MACC1: variants seen among roughly 807,000 people sequenced by gnomAD.
MACC1 encodes MET transcriptional regulator MACC1, also known as metastasis-associated in colon cancer protein 1.
In MACC1, 79 loss-of-function variants were observed where a neutral mutation model predicts 70.7. That is an observed-to-expected ratio of 1.12 (90% CI 0.93 to 1.35). MACC1 has a LOEUF of 1.35. MACC1 is among the 40% of genes most tolerant of loss of function. The pLI is 0.00. For synonymous variants in MACC1, 361 were observed against 347.2 expected, an observed-to-expected ratio of 1.04 and a Z score of -0.44; for missense variants, 1,106 against 978.1, an observed-to-expected ratio of 1.13 and a Z score of -1.74.
intron 6 of MACC1, among the ~76,000 whole-genome samples, chr7:20,142,937 T>C (rs1156382242): frequency 6.6e-6 from 1 of 152,232 alleles, no homozygotes; most frequent in Non-Finnish European, 1.5e-5. Flanking sequence ...TGATAAATGA[T>C]GTATTTGAAG....
intron 1 of MACC1, among the ~76,000 whole-genome samples, chr7:20,185,999 G>A (rs1191980770): frequency 1.3e-5 from 2 of 152,060 alleles, no homozygotes; most frequent in Non-Finnish European, 2.9e-5. Context: ...TACACACAAA[G>A]TCGCATATGG....
chr7:20,180,967 A>AATATAACT (rs1782495095), intron 1 of MACC1, among the ~76,000 whole-genome samples: 1 of 152,182 alleles, frequency 6.6e-6, no homozygotes, highest in African/African-American at 2.4e-5. Flanking sequence ...ATCACAGAAG[A>AATATAACT]ATATAACTAC....
rs1781734936 is a variant in MACC1, at chr7:20,137,585, A to G, written c.*3361T>C. The G allele has an allele frequency of 1.3e-5, 2 of 152,242 alleles. No homozygotes were observed. The highest frequency in any genetic ancestry group is 2.9e-5 in the Non-Finnish European group (2 of 68,036). 9.4% of individuals were successfully genotyped at this position (152,242 alleles called of 1,614,324 possible). A position where few individuals can be genotyped will look rare whatever the true frequency, so the allele number is the denominator to read the frequency against. Reference sequence around the variant, plus strand: ...AAAAGCCTGAGGAACTGAAAGAACCATGTAAACATTTTCTGCTTTCAAAAT... The same window carrying G: ...AAAAGCCTGAGGAACTGAAAGAACCGTGTAAACATTTTCTGCTTTCAAAAT... On this transcript the variant is annotated 3_prime_UTR_variant, in exon 7 of 7. Transcript: ENST00000400331.
chr7:20,185,295 T>A (rs1217693622), intron 1 of MACC1, among the ~76,000 whole-genome samples: 2 of 152,174 alleles, frequency 1.3e-5, no homozygotes, highest in East Asian at 3.8e-4. Flanking sequence ...ATATTTATTC[T>A]TGCAAAATCT....
intron 1 of MACC1, among the ~76,000 whole-genome samples, chr7:20,189,004 C>T (rs1464041234): frequency 1.3e-5 from 2 of 152,136 alleles, no homozygotes; most frequent in South Asian, 2.1e-4. Context: ...GCTGCACTGG[C>T]CTTACCTTTC....
chr7:20,207,308 AATTTTTGT>A (rs1782927226), intron 1 of MACC1, among the ~76,000 whole-genome samples: 1 of 150,024 alleles, frequency 6.7e-6, no homozygotes, highest in Non-Finnish European at 1.5e-5. Flanking sequence ...ATGTCTGGTT[AATTTTTGT>A]ATTTTTTTTT....
chr7:20,135,770 T>G lies in MACC1; in HGVS notation c.*5176A>C, dbSNP rs535535299. On this transcript the variant is annotated 3_prime_UTR_variant, in exon 7 of 7. Coordinates refer to ENST00000400331, the MANE Select transcript of MACC1 (RefSeq NM_182762.4). ...TTTGAGAAGCTCCTAGTGAAACCAA[T>G]GCTGACCTCCTAAGTCAGTACTCAA... 1 of 152,242 alleles carries G rather than the reference T, an allele frequency of 6.6e-6. No individual in the cohort carries two copies. The highest frequency in any genetic ancestry group is 1.5e-5 in the Non-Finnish European group (1 of 68,046). The allele number at this position is 152,242 out of a possible 1,614,324, so 9.4% of individuals were successfully genotyped here. A position where few individuals can be genotyped will look rare whatever the true frequency, so the allele number is the denominator to read the frequency against.
rs761235501 is a variant in MACC1 at position 20,154,335 on chromosome 7, T to C, written c.2204A>G (p.Gln735Arg). Residue 735 changes from glutamine to arginine, a missense_variant, in exon 6 of 7, where the codon CAA (glutamine) becomes CGA (arginine). Coordinates refer to ENST00000400331, the MANE Select transcript of MACC1 (RefSeq NM_182762.4). ...DCQELVARLIQEAAVLTSAVK... is the reference protein window; with the variant it reads ...DCQELVARLIREAAVLTSAVK... ...AGCTGAAGTCAGAACAGCAGCTTCT[T>C]GGATGAGACGTGCGACTAACTCTTG... The C allele has an allele frequency of 6.2e-7, 1 of 1,613,958 alleles. No individual in the cohort carries two copies. Among genetic ancestry groups the C allele is most frequent in the Non-Finnish European group, 8.5e-7 (1 of 1,179,914 alleles).
rs1032325753 is a variant in MACC1 at position 20,195,656 on chromosome 7, G to T, written c.-218+21643C>A. On this transcript the variant is annotated intron_variant, in intron 1 of 6. Coordinates refer to ENST00000400331, the MANE Select transcript of MACC1 (RefSeq NM_182762.4). ...CACACAAGTGTGCAATCTATGGTTGGTTTTTTCATCAGGAGAATGTTATTG... is the reference window on the plus strand; with the variant it reads ...CACACAAGTGTGCAATCTATGGTTGTTTTTTTCATCAGGAGAATGTTATTG... 5.9e-5 allele frequency among the ~76,000 whole-genome samples: 9 copies of T among 152,188 alleles called. No individual in the cohort carries two copies. In the South Asian group the frequency reaches 1.7e-3, roughly 28 times the overall value.
At chr7:20,143,262 C>A (rs1339744601) in intron 6 of MACC1, among the ~76,000 whole-genome samples, 1 of 152,184 alleles carries the variant, frequency 6.6e-6, no homozygotes, top group Admixed American at 6.5e-5. Flanking sequence ...GCAGGAAATA[C>A]CACAGGTGAT....
At chr7:20,210,608 C>A (rs540356811) in intron 1 of MACC1, among the ~76,000 whole-genome samples, 4 of 152,218 alleles carry the variant, frequency 2.6e-5, no homozygotes, top group Admixed American at 2.6e-4. Flanking sequence ...TTTGAAAATC[C>A]TTCAAAATTA....
chr7:20,163,769 T>C (rs1782171516), intron 3 of MACC1, among the ~76,000 whole-genome samples: 1 of 152,152 alleles, frequency 6.6e-6, no homozygotes, highest in Non-Finnish European at 1.5e-5. Flanking sequence ...CAAGATTGAT[T>C]AGCAAGTGAG....
At chr7:20,142,431 G>A (rs10275320) in intron 6 of MACC1, among the ~76,000 whole-genome samples, 15,196 of 152,192 alleles carry the variant, frequency 0.1, 918 homozygotes, top group Middle Eastern at 0.17. Context: ...GCAAGGTAGA[G>A]AATAAAAGAC....
In MACC1 at chr7:20,141,115, G is replaced by C; in HGVS notation, c.2390C>G (p.Ala797Gly). The C allele has an allele frequency of 6.2e-7, 1 of 1,612,002 alleles. No homozygotes were observed. The highest frequency in any genetic ancestry group is 8.5e-7 in the Non-Finnish European group (1 of 1,179,346). The change falls in exon 7 of 7, where the codon GCT becomes GGT. Residue 797 changes from alanine (A) to glycine (G), a missense_variant. Physicochemically the swap from Ala to Gly is moderately conservative, Grantham distance 60. Coordinates refer to ENST00000400331, the MANE Select transcript of MACC1 (RefSeq NM_182762.4). ...PAYDFLYTWS[A>G]HYGNNYRDVL... is the part of the protein sequence containing the mutation. ...ATCTCTGTAGTTATTTCCATAGTGAGCACTCCAGGTATACAGAAAATCATA... is the reference window on the plus strand; with the variant it reads ...ATCTCTGTAGTTATTTCCATAGTGACCACTCCAGGTATACAGAAAATCATA...
At chr7:20,150,071 A>G (rs1322359778) in intron 6 of MACC1, among the ~76,000 whole-genome samples, 2 of 152,208 alleles carry the variant, frequency 1.3e-5, no homozygotes, top group African/African-American at 2.4e-5. Flanking sequence ...AATGCTCATA[A>G]TGACTAGCTG....
At chr7:20,214,847 C>T (rs747852534) in intron 1 of MACC1, among the ~76,000 whole-genome samples, 12 of 152,160 alleles carry the variant, frequency 7.9e-5, no homozygotes, top group South Asian at 4.1e-4. Flanking sequence ...ATTTAATGTG[C>T]GAAAGTTTGG....
chr7:20,143,555 AT>A (rs1470938585), intron 6 of MACC1, among the ~76,000 whole-genome samples: 1 of 151,012 alleles, frequency 6.6e-6, no homozygotes, highest in South Asian at 2.1e-4. Flanking sequence ...CGCCCAGCTA[AT>A]TTTTTTGTAT....
chr7:20,193,548 A>G (rs1318486748), intron 1 of MACC1, among the ~76,000 whole-genome samples: 1 of 152,182 alleles, frequency 6.6e-6, no homozygotes, highest in East Asian at 1.9e-4. Context: ...GCATCCTGTT[A>G]TAGACAATGG....
intron 6 of MACC1, among the ~76,000 whole-genome samples, chr7:20,150,103 A>G (rs1470664776): frequency 6.6e-6 from 1 of 152,232 alleles, no homozygotes; most frequent in Non-Finnish European, 1.5e-5. Context: ...TTGGTAAGTT[A>G]CAACTATTAA....
Sources: gnomAD v4.1 joint callset for allele counts (sites outside exome capture counted in the v4.1 genomes callset) on GRCh38, gnomAD v4.1.1 for gene constraint, MANE v1.5 for transcripts, NCBI Gene and HGNC (gene_info 2026-07-23, HGNC 2026-07-21) for gene names.